The following ARID5B variants were observed in gnomAD, a reference collection of about 807,000 sequenced individuals.
ARID5B encodes AT-rich interaction domain 5B, also known as AT-rich interactive domain-containing protein 5B.
ARID5B carries 13 observed loss-of-function variants against 97.2 expected under a neutral mutation model. The ratio of observed to expected loss-of-function variants is 0.13; its 90% CI spans 0.09 to 0.21. The LOEUF (loss-of-function observed/expected upper bound fraction) is 0.21, where lower values mean the gene tolerates loss of function less well. Ranked by LOEUF, ARID5B falls within the 10% of genes least tolerant of loss-of-function variation. The probability of loss-of-function intolerance (pLI) is 1.00; values close to 1 mark genes in which losing one functional copy is unlikely to be tolerated. For missense variants in ARID5B, 1,210 were observed against 1,465.3 expected (o/e 0.83, Z 2.84); for synonymous variants, 556 against 570.3 (o/e 0.97, Z 0.36).
In ARID5B at chr10:62,096,442, A is replaced by G; in HGVS notation, c.*3412A>G. Reference sequence around the variant, plus strand: ...GTCCCAATTTTAAAGAGAAATGGGAATGAGTTTGCCCTGGTGAGACCCATA... The same window carrying G: ...GTCCCAATTTTAAAGAGAAATGGGAGTGAGTTTGCCCTGGTGAGACCCATA... On this transcript the variant is annotated 3_prime_UTR_variant, in exon 10 of 10. Transcript: ENST00000279873. The G allele has an allele frequency of 4.3e-6, 1 of 233,490 alleles. No individual in the cohort carries two copies. Among genetic ancestry groups the G allele is most frequent in the Middle Eastern group, 1.3e-3 (1 of 786 alleles). The allele number at this position is 233,490 out of a possible 1,614,324, so 14.5% of individuals were successfully genotyped here.
chr10:62,073,299 A>G (rs542861545), intron 8 of ARID5B, among the ~76,000 whole-genome samples: 20 of 152,322 alleles, frequency 1.3e-4, no homozygotes, highest in Admixed American at 3.3e-4. Context: ...TTTTTCATGC[A>G]CTGTGGTTCA....
intron 3 of ARID5B, among the ~76,000 whole-genome samples, chr10:61,988,381 G>A (rs1479433987): frequency 1.3e-5 from 2 of 152,216 alleles, no homozygotes; most frequent in Non-Finnish European, 2.9e-5. Flanking sequence ...TACAGCAGAA[G>A]GATATGTTTA....
intron 2 of ARID5B, among the ~76,000 whole-genome samples, chr10:61,908,031 A>G (rs928261569): frequency 1.6e-5 from 2 of 128,294 alleles, no homozygotes; most frequent in South Asian, 4.8e-4. Flanking sequence ...CTTAAGTAAT[A>G]TAAGAAATTG....
At chr10:62,055,006 G>A (rs1839836898) in intron 5 of ARID5B, among the ~76,000 whole-genome samples, 1 of 152,154 alleles carries the variant, frequency 6.6e-6, no homozygotes, top group Admixed American at 6.5e-5. Context: ...CATTGTAGGT[G>A]CTCAATTGAA....
At chr10:62,087,660 G>C (rs1024836415) in intron 9 of ARID5B, among the ~76,000 whole-genome samples, 8 of 151,888 alleles carry the variant, frequency 5.3e-5, no homozygotes, top group African/African-American at 1.9e-4. Context: ...CACATAAGAG[G>C]CTCCATAATT....
chr10:61,986,435 C>T (rs1355506198), intron 3 of ARID5B, among the ~76,000 whole-genome samples: 1 of 152,064 alleles, frequency 6.6e-6, no homozygotes, highest in Admixed American at 6.5e-5. Context: ...AGAAGGAGAG[C>T]TGAAGGGAGC....
At chr10:62,066,654 C>T (rs1366587263) in intron 7 of ARID5B, among the ~76,000 whole-genome samples, 1 of 152,158 alleles carries the variant, frequency 6.6e-6, no homozygotes, top group East Asian at 1.9e-4. Context: ...CCGTTTCAAA[C>T]CTAGTATGAG....
intron 2 of ARID5B, among the ~76,000 whole-genome samples, chr10:61,926,914 G>A (rs1243315458): frequency 2.0e-5 from 3 of 152,154 alleles, no homozygotes; most frequent in African/African-American, 2.4e-5. Flanking sequence ...GTGAGCCACC[G>A]TGCCTGGCCT....
chr10:61,936,262 C>T (rs560299888), intron 2 of ARID5B, among the ~76,000 whole-genome samples: 1 of 152,310 alleles, frequency 6.6e-6, no homozygotes, highest in East Asian at 1.9e-4. Context: ...ACCAGTACCA[C>T]CTTCCCATAA....
At chr10:61,962,757 T>A (rs1208649738) in intron 3 of ARID5B, among the ~76,000 whole-genome samples, 1 of 152,188 alleles carries the variant, frequency 6.6e-6, no homozygotes, top group Non-Finnish European at 1.5e-5. Context: ...TAGAATAAAT[T>A]TTCCCATATA....
intron 4 of ARID5B, among the ~76,000 whole-genome samples, chr10:62,030,168 T>C (rs919283613): frequency 2.6e-5 from 4 of 152,072 alleles, no homozygotes; most frequent in African/African-American, 9.7e-5. Context: ...CACTCTTTGT[T>C]GCCCAGGCTG....
At chr10:61,927,984 G>A (rs545268629) in intron 2 of ARID5B, among the ~76,000 whole-genome samples, 1 of 152,270 alleles carries the variant, frequency 6.6e-6, no homozygotes, top group African/African-American at 2.4e-5. Flanking sequence ...GGTTTCCGGT[G>A]GGGTTTACTC....
chr10:61,992,875 G>A (rs969592413), intron 3 of ARID5B, among the ~76,000 whole-genome samples: 2 of 151,986 alleles, frequency 1.3e-5, no homozygotes, highest in Non-Finnish European at 2.9e-5. Context: ...TTAAGGGTGG[G>A]GCAGCACCAG....
chr10:61,980,619 A>G (rs1838764528), intron 3 of ARID5B, among the ~76,000 whole-genome samples: 1 of 152,218 alleles, frequency 6.6e-6, no homozygotes, highest in Non-Finnish European at 1.5e-5. Context: ...TCTTGGAAAA[A>G]TAGCTGCTGA....
At chr10:61,990,923 C>T (rs1838914759) in intron 3 of ARID5B, among the ~76,000 whole-genome samples, 2 of 151,950 alleles carry the variant, frequency 1.3e-5, no homozygotes, top group South Asian at 4.2e-4. Flanking sequence ...TCCTTCCAAC[C>T]CTCCTAGACC....
At chr10:61,940,486 A>G (rs4562771) in intron 3 of ARID5B, 78 bp downstream of exon 3, 711,288 of 1,194,352 alleles carry the variant, frequency 0.6, 215,487 homozygotes, top group African/African-American at 0.72. Context: ...TTCTGGAAAC[A>G]CTATCATTTA....
intron 4 of ARID5B, among the ~76,000 whole-genome samples, chr10:62,045,543 C>A (rs543931304): frequency 6.6e-6 from 1 of 151,570 alleles, no homozygotes; most frequent in Non-Finnish European, 1.5e-5. Flanking sequence ...CACCGCCTCC[C>A]GGGTTCAAGA....
At chr10:62,083,605 G>C (rs1362531749) in intron 8 of ARID5B, among the ~76,000 whole-genome samples, 1 of 152,144 alleles carries the variant, frequency 6.6e-6, no homozygotes, top group African/African-American at 2.4e-5. Context: ...CTGGGGGAAG[G>C]GTGGTACCAG....
intron 4 of ARID5B, among the ~76,000 whole-genome samples, chr10:62,005,120 C>G (rs1162182917): frequency 1.3e-5 from 2 of 152,202 alleles, no homozygotes; most frequent in African/African-American, 2.4e-5. Flanking sequence ...ACCATGAGCT[C>G]TGATCTTCAG....
Sources: allele counts gnomAD v4.1 joint callset (sites outside exome capture counted in the v4.1 genomes callset), GRCh38; gene constraint gnomAD v4.1.1; transcripts MANE v1.5; gene names NCBI Gene and HGNC (gene_info 2026-07-23, HGNC 2026-07-21).